Variants in PNPLA8 observed in about 807,000 individuals in gnomAD.
PNPLA8 encodes the protein calcium-independent phospholipase A2-gamma.
PNPLA8 carries 39 observed loss-of-function variants against 76.9 expected under a neutral mutation model. The ratio of observed to expected loss-of-function variants is 0.51; its 90% CI spans 0.39 to 0.66. PNPLA8 has a LOEUF of 0.66. Among genes scored for constraint, PNPLA8 ranks in the 30% least tolerant of loss-of-function variants. The probability of loss-of-function intolerance (pLI) is 0.00; values close to 1 mark genes in which losing one functional copy is unlikely to be tolerated. For missense variants in PNPLA8, 887 were observed against 918.0 expected (o/e 0.97, Z 0.44); for synonymous variants, 301 against 307.9 (o/e 0.98, Z 0.24).
intron 4 of PNPLA8, among the ~76,000 whole-genome samples, chr7:108,513,564 T>C (rs930834412): frequency 1.3e-5 from 2 of 152,066 alleles, no homozygotes; most frequent in Admixed American, 6.6e-5. Flanking sequence ...CTTAATAATA[T>C]AGATGTAAAG....
chr7:108,483,290 A>T (rs1269744075), intron 9 of PNPLA8, among the ~76,000 whole-genome samples: 1 of 152,166 alleles, frequency 6.6e-6, no homozygotes, highest in East Asian at 1.9e-4. Context: ...ATTTATCACC[A>T]ATGTGTAGCT....
intron 10 of PNPLA8, among the ~76,000 whole-genome samples, chr7:108,473,219 C>T (rs1241641581): frequency 3.3e-5 from 5 of 152,152 alleles, no homozygotes; most frequent in Admixed American, 3.3e-4. Flanking sequence ...GGACAAAATA[C>T]TTTTGAGATT....
chr7:108,505,394 C>T (rs187567502), intron 4 of PNPLA8, among the ~76,000 whole-genome samples: 1 of 106,088 alleles, frequency 9.4e-6, no homozygotes, highest in African/African-American at 3.9e-5. Flanking sequence ...GACGGAGTCT[C>T]ACTCTGTTGC....
At chr7:108,508,867 C>T (rs1236533108) in intron 4 of PNPLA8, among the ~76,000 whole-genome samples, 37 of 137,262 alleles carry the variant, frequency 2.7e-4, no homozygotes, top group Admixed American at 5.9e-4. Context: ...TCAGAAATAA[C>T]GCCGCATACC....
chr7:108,508,537 A>C (rs1862629085), intron 4 of PNPLA8, among the ~76,000 whole-genome samples: 1 of 45,452 alleles, frequency 2.2e-5, no homozygotes, highest in Non-Finnish European at 4.3e-5. Context: ...GATACAAACA[A>C]ATGGAAGAAC....
chr7:108,479,298 A>C lies in PNPLA8; in HGVS notation c.1960T>G (p.Cys654Gly), dbSNP rs770204334. 86 of 1,612,648 alleles carry C rather than the reference A, an allele frequency of 5.3e-5. No individual in the cohort carries two copies. The highest frequency in any genetic ancestry group is 7.1e-5 in the Non-Finnish European group (84 of 1,178,822). Residue 654 changes from cysteine to glycine, a missense_variant, in exon 10 of 11, where the codon TGC becomes GGC. Transcript: ENST00000257694. ...CGTCCAGTGCCCAGGGATACTATGCACTCTAACGGCACATCTGGCCAAAGA... is the reference window on the plus strand; with the variant it reads ...CGTCCAGTGCCCAGGGATACTATGCCCTCTAACGGCACATCTGGCCAAAGA... ...KCLWPDVPLE[C>G]IVSLGTGRYE... is the part of the protein sequence containing the mutation.
chr7:108,497,032 T>C (rs139338413), intron 6 of PNPLA8, among the ~76,000 whole-genome samples: 294 of 152,180 alleles, frequency 1.9e-3, no homozygotes, highest in Admixed American at 5.0e-3. Context: ...CCAATAATGA[T>C]AATAATAATA....
chr7:108,495,533 A>G (rs1368298153), intron 7 of PNPLA8, among the ~76,000 whole-genome samples: 1 of 152,130 alleles, frequency 6.6e-6, no homozygotes, highest in Admixed American at 6.5e-5. Context: ...TTTTGTTCTT[A>G]GTGGGATTAT....
intron 4 of PNPLA8, among the ~76,000 whole-genome samples, chr7:108,513,022 G>T (rs1233017239): frequency 6.6e-6 from 1 of 152,112 alleles, no homozygotes; most frequent in Non-Finnish European, 1.5e-5. Flanking sequence ...CTGCTGTCTA[G>T]GAGGAACGGG....
chr7:108,514,541 T>G lies in PNPLA8; in HGVS notation c.951A>C (p.Ser317=), dbSNP rs748205301. 41 of 1,613,860 alleles carry G rather than the reference T, an allele frequency of 2.5e-5. No individual in the cohort carries two copies. In the South Asian group the frequency reaches 3.6e-4, roughly 14 times the overall value. Reference sequence around the variant, plus strand: ...CTTCCTGTTCTTCTGACTGACTCTTTGAATCATACTTTAATTTGGGGACAA... The same window carrying G: ...CTTCCTGTTCTTCTGACTGACTCTTGGAATCATACTTTAATTTGGGGACAA... ...GGLVPKLKYD[S]KSQSEEQEEP... is the part of the protein sequence containing the mutation. The change falls in exon 3 of 11, where the codon TCA becomes TCC. Residue 317 remains serine (S), a synonymous_variant. Coordinates refer to ENST00000257694, the MANE Select transcript of PNPLA8 (RefSeq NM_001256007.3).
rs147092803 is a variant in PNPLA8 at position 108,514,905 on chromosome 7, A to G, written c.587T>C (p.Ile196Thr). Residue 196 changes from isoleucine to threonine, a missense_variant, in exon 3 of 11, where the codon ATA (isoleucine) becomes ACA (threonine). Ile to Thr is a moderately conservative substitution (Grantham distance 89). Coordinates refer to ENST00000257694, the MANE Select transcript of PNPLA8 (RefSeq NM_001256007.3). Reference sequence around the variant, plus strand: ...GAATGAGTCTCCAAATTTTGTGGTTATAGAACTTGTGTAATGAAAAAGACT... The same window carrying G: ...GAATGAGTCTCCAAATTTTGTGGTTGTAGAACTTGTGTAATGAAAAAGACT... ...KRSLFHYTSS[I>T]TTKFGDSFYF... is the part of the protein sequence containing the mutation. The G allele has an allele frequency of 2.8e-5, 45 of 1,609,434 alleles. 1 individual carries two copies. The African/African-American group carries it at 5.1e-4, about 18-fold the overall frequency.
At chr7:108,486,712 A>T (rs1339472222) in intron 9 of PNPLA8, among the ~76,000 whole-genome samples, 1 of 152,162 alleles carries the variant, frequency 6.6e-6, no homozygotes, top group African/African-American at 2.4e-5. Context: ...AAAATTGATA[A>T]AAATGTTTTA....
At chr7:108,480,865 C>T (rs1860343824) in intron 9 of PNPLA8, 1 of 241,508 alleles carries the variant, frequency 4.1e-6, no homozygotes, top group Non-Finnish European at 8.8e-6. Flanking sequence ...CCCCCAAAAA[C>T]TCTCTCATGC....
At chr7:108,507,052 G>A (rs1862485848) in intron 4 of PNPLA8, among the ~76,000 whole-genome samples, 1 of 151,972 alleles carries the variant, frequency 6.6e-6, no homozygotes, top group African/African-American at 2.4e-5. Flanking sequence ...ATAGAAACAG[G>A]CTCGGTGAGG....
intron 5 of PNPLA8, among the ~76,000 whole-genome samples, chr7:108,501,773 G>A (rs1046873364): frequency 3.9e-5 from 6 of 152,078 alleles, no homozygotes; most frequent in African/African-American, 1.4e-4. Flanking sequence ...GCAGTGATCT[G>A]AGATCGCACC....
chr7:108,483,171 T>C (rs997722288), intron 9 of PNPLA8, among the ~76,000 whole-genome samples: 2 of 152,224 alleles, frequency 1.3e-5, no homozygotes, highest in Non-Finnish European at 2.9e-5. Flanking sequence ...ACTATTAATA[T>C]ATAGAAATGT....
At chr7:108,497,424 T>G in intron 6 of PNPLA8, 59 bp downstream of exon 6, 1 of 1,139,710 alleles carries the variant, frequency 8.8e-7, no homozygotes, top group East Asian at 2.4e-5. Context: ...CATAAGTGCT[T>G]AATGTTCTTT....
At chr7:108,522,424 C>CT (rs1384470367) in intron 1 of PNPLA8, among the ~76,000 whole-genome samples, 1 of 152,134 alleles carries the variant, frequency 6.6e-6, no homozygotes, top group African/African-American at 2.4e-5. Context: ...CCAAACATTT[C>CT]TTCTACTGAT....
intron 1 of PNPLA8, among the ~76,000 whole-genome samples, chr7:108,522,794 T>G (rs998500652): frequency 2.0e-5 from 3 of 152,202 alleles, no homozygotes; most frequent in African/African-American, 7.2e-5. Context: ...ACCTATCAAC[T>G]TGGCATTAAA....
Sources: allele counts gnomAD v4.1 joint callset (sites outside exome capture counted in the v4.1 genomes callset), GRCh38; gene constraint gnomAD v4.1.1; transcripts MANE v1.5; gene names NCBI Gene and HGNC (gene_info 2026-07-23, HGNC 2026-07-21).